The following SGF29 variants were observed in gnomAD, a reference collection of about 807,000 sequenced individuals.
SGF29 encodes SAGA complex associated factor 29.
Under a neutral mutation model 38.1 loss-of-function variants are expected in SGF29, and 15 were observed. The observed-to-expected ratio is 0.39, with a 90% CI of 0.26 to 0.61. The LOEUF is 0.61. SGF29 is among the 20% of genes least tolerant of loss of function. SGF29 has a pLI of 0.49. For missense variants in SGF29, 184 were observed against 394.6 expected (o/e 0.47, Z 4.52); for synonymous variants, 151 against 160.8 (o/e 0.94, Z 0.46).
intron 1 of SGF29, among the ~76,000 whole-genome samples, chr16:28,558,766 T>C (rs1375753615): frequency 6.6e-6 from 1 of 152,196 alleles, no homozygotes; most frequent in Non-Finnish European, 1.5e-5. Flanking sequence ...TTGATGACCT[T>C]TGGAAACATG....
chr16:28,569,460 G>GA (rs1366723694), intron 1 of SGF29, among the ~76,000 whole-genome samples: 3 of 151,652 alleles, frequency 2.0e-5, no homozygotes, highest in African/African-American at 7.3e-5. Flanking sequence ...AGGAGTTCAA[G>GA]ACCAGCCTGG....
chr16:28,576,160 C>T (rs926867330), intron 1 of SGF29, among the ~76,000 whole-genome samples: 4 of 150,684 alleles, frequency 2.7e-5, no homozygotes, highest in Admixed American at 6.6e-5. Flanking sequence ...AGTGTAAATA[C>T]GTTAAAAAAA....
At chr16:28,554,267 AGGAGGGCGGGGCCGGGGCTCGG>A (rs1426183290) in intron 1 of SGF29, 170 bp downstream of exon 1, 2 of 82,320 alleles carry the variant, frequency 2.4e-5, no homozygotes, top group African/African-American at 4.8e-5. Context: ...GGGGCGGGAG[AGGAGGGCGGGGCCGGGGCTCGG>A]GGAGGGCGGG....
rs528745728 is a variant in SGF29, at chr16:28,591,789, T to C, written c.*83T>C. ...GCTGGGATTAAACACATTCCCCCTC[T>C]ACTCGTCTCCTGGGTTTTACTTCTC... On this transcript the variant is annotated 3_prime_UTR_variant, in exon 10 of 10. Transcript: ENST00000317058. The C allele has an allele frequency of 1.2e-5, 16 of 1,306,432 alleles. No individual in the cohort carries two copies. The African/African-American group carries it at 1.3e-4, about 11-fold the overall frequency. The allele number at this position is 1,306,432 out of a possible 1,614,324, so 80.9% of individuals were successfully genotyped here. A position where few individuals can be genotyped will look rare whatever the true frequency, so the allele number is the denominator to read the frequency against.
Position 28,590,537 on chromosome 16 carries a change from T to C in SGF29, c.567-94T>C. The C allele has an allele frequency of 6.2e-7, 1 of 1,612,264 alleles. No homozygotes were observed. Among genetic ancestry groups the C allele is most frequent in the Non-Finnish European group, 8.5e-7 (1 of 1,179,242 alleles). On this transcript the variant is annotated intron_variant, in intron 7 of 9. Coordinates refer to ENST00000317058, the MANE Select transcript of SGF29 (RefSeq NM_138414.3). This position sits in a 1 kb window ranked among gnomAD's most constrained non-coding sequence, Gnocchi z 8.2. ...GCAGAGGGTGCTCCCCAGAGGCTGG[T>C]TGTGCAGGGAGCACCAGGTCCTCCC...
intron 9 of SGF29, 67 bp from the exon 10 acceptor site, chr16:28,591,523 G>A: frequency 9.1e-7 from 1 of 1,101,300 alleles, no homozygotes; most frequent in Non-Finnish European, 1.4e-6. Flanking sequence ...GTCTAGGCTG[G>A]GGGAAGGGGG....
chr16:28,584,788 CAA>C (rs377573618), intron 2 of SGF29, 123 bp from the exon 3 acceptor site: 40,715 of 405,800 alleles, frequency 0.1, 186 homozygotes, highest in African/African-American at 0.18. Flanking sequence ...GACTCCATCT[CAA>C]AAAAAAAAAA....
chr16:28,555,683 A>G (rs231970), intron 1 of SGF29, among the ~76,000 whole-genome samples: 15,636 of 152,304 alleles, frequency 0.1, 915 homozygotes, highest in Middle Eastern at 0.18. Flanking sequence ...GGAAACTCAC[A>G]GACACACTCT....
chr16:28,583,613 C>G (rs1197504755), intron 2 of SGF29, among the ~76,000 whole-genome samples: 1 of 152,258 alleles, frequency 6.6e-6, no homozygotes, highest in East Asian at 1.9e-4. Flanking sequence ...TTTCCAGCAT[C>G]TGCAGTTGCA....
At chr16:28,568,644 G>GT (rs1431589992) in intron 1 of SGF29, among the ~76,000 whole-genome samples, 1 of 152,054 alleles carries the variant, frequency 6.6e-6, no homozygotes, top group Non-Finnish European at 1.5e-5. Context: ...GCCAGGAGCA[G>GT]TGGCTCACGC....
At chr16:28,572,235 C>G (rs1199975942) in intron 1 of SGF29, among the ~76,000 whole-genome samples, 2 of 151,954 alleles carry the variant, frequency 1.3e-5, no homozygotes, top group East Asian at 1.9e-4. Flanking sequence ...CTCAGCCTCC[C>G]TAAGTGCTGG....
chr16:28,568,595 T>TG (rs1190177323), intron 1 of SGF29, among the ~76,000 whole-genome samples: 12 of 58,714 alleles, frequency 2.0e-4, no homozygotes, highest in East Asian at 5.1e-4. Context: ...TAAGGGGTGG[T>TG]TGGGGGGGGC....
chr16:28,555,471 G>A (rs1003758154), intron 1 of SGF29, among the ~76,000 whole-genome samples: 1 of 152,136 alleles, frequency 6.6e-6, no homozygotes, highest in Non-Finnish European at 1.5e-5. Context: ...GCAAGACCCT[G>A]TCTCAAAAAA....
intron 1 of SGF29, among the ~76,000 whole-genome samples, chr16:28,577,811 A>G (rs916939923): frequency 6.6e-6 from 1 of 152,208 alleles, no homozygotes; most frequent in African/African-American, 2.4e-5. Context: ...ATGGGCTGAG[A>G]TAGGGAACCA....
chr16:28,564,604 T>C (rs1484260037), intron 1 of SGF29, among the ~76,000 whole-genome samples: 2 of 130,428 alleles, frequency 1.5e-5, no homozygotes, highest in South Asian at 4.4e-4. Flanking sequence ...CACATATATG[T>C]GTATATATAT....
At chr16:28,582,184 C>T (rs565845759) in intron 2 of SGF29, among the ~76,000 whole-genome samples, 9 of 152,268 alleles carry the variant, frequency 5.9e-5, no homozygotes, top group African/African-American at 2.2e-4. Context: ...TCAGAAGATG[C>T]CGGCACTCAT....
At chr16:28,561,563 T>G (rs989919577) in intron 1 of SGF29, among the ~76,000 whole-genome samples, 1 of 151,584 alleles carries the variant, frequency 6.6e-6, no homozygotes, top group East Asian at 1.9e-4. Flanking sequence ...ACACAAAAGG[T>G]GCAGGGGAAA....
At chr16:28,581,230 G>A in intron 2 of SGF29, 86 bp downstream of exon 2, 1 of 1,277,254 alleles carries the variant, frequency 7.8e-7, no homozygotes, top group Middle Eastern at 1.9e-4. Flanking sequence ...TGTGTTCAGA[G>A]AGATTGGACT....
chr16:28,577,350 C>CAA (rs201638671), intron 1 of SGF29, among the ~76,000 whole-genome samples: 2 of 86,856 alleles, frequency 2.3e-5, no homozygotes, highest in African/African-American at 8.7e-5. Context: ...AACACCTGGC[C>CAA]AAAAAAAAAA....
Sources: allele counts gnomAD v4.1 joint callset (sites outside exome capture counted in the v4.1 genomes callset), GRCh38; gene constraint gnomAD v4.1.1; non-coding constraint Gnocchi (gnomAD v3.1); transcripts MANE v1.5; gene names NCBI Gene and HGNC (gene_info 2026-07-23, HGNC 2026-07-21).